The following VMP1 variants were observed in gnomAD, a reference collection of about 807,000 sequenced individuals.
VMP1 encodes the protein vacuole membrane protein 1, also known as ectopic P-granules autophagy protein 3 homolog.
In VMP1, 11 loss-of-function variants were observed where a neutral mutation model predicts 56.0. The ratio of observed to expected loss-of-function variants is 0.20; its 90% CI spans 0.12 to 0.32. VMP1 has a LOEUF of 0.32. Among genes scored for constraint, VMP1 ranks in the 10% least tolerant of loss-of-function variants. The pLI is 1.00. For synonymous variants in VMP1, 149 were observed against 165.0 expected, an observed-to-expected ratio of 0.90 and a Z score of 0.74; for missense variants, 296 against 490.3, an observed-to-expected ratio of 0.60 and a Z score of 3.74.
intron 5 of VMP1, among the ~76,000 whole-genome samples, chr17:59,752,632 A>G (rs577521935): frequency 1.4e-4 from 22 of 152,318 alleles, no homozygotes; most frequent in Non-Finnish European, 1.8e-4. Flanking sequence ...TGATGACAGG[A>G]AGATTTGGTT....
In VMP1 at chr17:59,811,861, G is replaced by A; in HGVS notation, c.912+75G>A. On this transcript the variant is annotated intron_variant, in intron 9 of 11. Transcript: ENST00000262291. ...GACAATGAAACATGCTCATTCCTAAGTGAATTATTTAGTTATTCTTTCTGC... is the reference window on the plus strand; with the variant it reads ...GACAATGAAACATGCTCATTCCTAAATGAATTATTTAGTTATTCTTTCTGC... 2 of 1,058,104 alleles carry A rather than the reference G, an allele frequency of 1.9e-6. 1 individual carries two copies. The highest frequency in any genetic ancestry group is 2.9e-6 in the Non-Finnish European group (2 of 698,578). 65.5% of individuals were successfully genotyped at this position (1,058,104 alleles called of 1,614,324 possible).
At chr17:59,793,173 C>A (rs1320682679) in intron 7 of VMP1, among the ~76,000 whole-genome samples, 1 of 111,638 alleles carries the variant, frequency 9.0e-6, no homozygotes, top group African/African-American at 2.6e-5. Context: ...CCACCACACC[C>A]AGCTAATTTT....
intron 7 of VMP1, among the ~76,000 whole-genome samples, chr17:59,791,431 T>TCCA (rs1173127082): frequency 1.3e-5 from 2 of 151,594 alleles, no homozygotes; most frequent in African/African-American, 4.9e-5. Context: ...CCTCAGGCGA[T>TCCA]CCACCCACCT....
intron 5 of VMP1, among the ~76,000 whole-genome samples, chr17:59,762,752 G>T (rs1192237186): frequency 6.6e-6 from 1 of 152,060 alleles, no homozygotes; most frequent in East Asian, 1.9e-4. Flanking sequence ...TTAGAAGAAA[G>T]AATTCTCAAA....
intron 7 of VMP1, among the ~76,000 whole-genome samples, chr17:59,805,804 G>A (rs2037824682): frequency 6.6e-6 from 1 of 152,004 alleles, no homozygotes; most frequent in African/African-American, 2.4e-5. Context: ...CATTAATGCT[G>A]ATAGAAAAAT....
intron 6 of VMP1, among the ~76,000 whole-genome samples, chr17:59,765,726 G>T (rs1398980738): frequency 1.3e-5 from 2 of 152,056 alleles, no homozygotes; most frequent in East Asian, 3.9e-4. Flanking sequence ...GGTTGGTCTT[G>T]CTGTCTTAGG....
At chr17:59,775,090 T>C (rs900596320) in intron 7 of VMP1, among the ~76,000 whole-genome samples, 57 of 152,046 alleles carry the variant, frequency 3.7e-4, no homozygotes, top group African/African-American at 1.3e-3. Context: ...TACAGGCGCC[T>C]GCCACCACGC....
intron 5 of VMP1, among the ~76,000 whole-genome samples, chr17:59,753,244 C>G (rs2035719342): frequency 6.6e-6 from 1 of 151,856 alleles, no homozygotes; most frequent in African/African-American, 2.4e-5. Flanking sequence ...TGCACTCTAG[C>G]CTGGGCGACA....
At chr17:59,770,273 A>G (rs967550008) in intron 6 of VMP1, among the ~76,000 whole-genome samples, 1 of 152,202 alleles carries the variant, frequency 6.6e-6, no homozygotes, top group Non-Finnish European at 1.5e-5. Context: ...GTTTTGAGTA[A>G]GATGTTACAC....
chr17:59,718,184 C>CTTTTTTTTT (rs971095445), intron 1 of VMP1, among the ~76,000 whole-genome samples: 3 of 79,286 alleles, frequency 3.8e-5, no homozygotes, highest in Non-Finnish European at 7.5e-5. Flanking sequence ...TCCCTCCCTC[C>CTTTTTTTTT]TTTTTTTTTT....
chr17:59,729,066 A>G (rs1014628006), intron 1 of VMP1, among the ~76,000 whole-genome samples: 1 of 152,204 alleles, frequency 6.6e-6, no homozygotes, highest in South Asian at 2.1e-4. Flanking sequence ...TTCACTTAGC[A>G]TATTTTCAGA....
At chr17:59,731,711 A>G (rs2034830958) in intron 2 of VMP1, among the ~76,000 whole-genome samples, 189 bp downstream of exon 2, 1 of 152,210 alleles carries the variant, frequency 6.6e-6, no homozygotes, top group Admixed American at 6.5e-5. Context: ...GCCTGGCCAC[A>G]ATCACATAAA....
At chr17:59,758,539 A>G (rs1421512824) in intron 5 of VMP1, among the ~76,000 whole-genome samples, 1 of 151,720 alleles carries the variant, frequency 6.6e-6, no homozygotes, top group African/African-American at 2.4e-5. Flanking sequence ...GAAAAATTAG[A>G]TGGGGCCAGG....
chr17:59,729,735 G>A (rs2034750935), intron 1 of VMP1: 1 of 148,416 alleles, frequency 6.7e-6, no homozygotes, highest in South Asian at 2.1e-4. Flanking sequence ...ACCCAGGCTG[G>A]AGCGCAATGG....
chr17:59,820,533 C>T (rs2038404064), intron 10 of VMP1, among the ~76,000 whole-genome samples: 1 of 152,198 alleles, frequency 6.6e-6, no homozygotes. Context: ...AGATTTTAGC[C>T]ATTGCATTCT....
chr17:59,797,196 G>C (rs2037468796), intron 7 of VMP1, among the ~76,000 whole-genome samples: 1 of 149,948 alleles, frequency 6.7e-6, no homozygotes, highest in Non-Finnish European at 1.5e-5. Context: ...AAATTAGCCA[G>C]GCATTGTGGC....
chr17:59,790,096 C>G (rs1171981425), intron 7 of VMP1, among the ~76,000 whole-genome samples: 1 of 152,008 alleles, frequency 6.6e-6, no homozygotes, highest in Non-Finnish European at 1.5e-5. Flanking sequence ...CCACCTCAGC[C>G]TCCCAAAGTG....
At chr17:59,717,630 A>G (rs896857516) in intron 1 of VMP1, among the ~76,000 whole-genome samples, 8 of 151,582 alleles carry the variant, frequency 5.3e-5, no homozygotes, top group Non-Finnish European at 8.8e-5. Flanking sequence ...CGATCCTCCT[A>G]CCTCCCACCT....
intron 10 of VMP1, among the ~76,000 whole-genome samples, chr17:59,826,484 A>G (rs1488751831): frequency 1.3e-5 from 2 of 152,208 alleles, no homozygotes; most frequent in Non-Finnish European, 1.5e-5. Context: ...CAGATGAATT[A>G]ATTCATTCAT....
Sources: allele counts gnomAD v4.1 joint callset (sites outside exome capture counted in the v4.1 genomes callset), GRCh38; gene constraint gnomAD v4.1.1; transcripts MANE v1.5; gene names NCBI Gene and HGNC (gene_info 2026-07-23, HGNC 2026-07-21).